Variants in TRAF3 observed in about 807,000 individuals in gnomAD.
TRAF3 encodes the protein TNF receptor associated factor 3.
Under a neutral mutation model 62.3 loss-of-function variants are expected in TRAF3, and 13 were observed. That is an observed-to-expected ratio of 0.21 (90% CI 0.14 to 0.33). TRAF3 has a LOEUF of 0.33. TRAF3 is among the 10% of genes least tolerant of loss of function. The pLI is 1.00. For synonymous variants in TRAF3, 269 were observed against 283.4 expected, an observed-to-expected ratio of 0.95 and a Z score of 0.51; for missense variants, 440 against 741.8, an observed-to-expected ratio of 0.59 and a Z score of 4.73.
chr14:102,869,511 C>T (rs1888202748), intron 2 of TRAF3, among the ~76,000 whole-genome samples: 2 of 152,176 alleles, frequency 1.3e-5, no homozygotes, highest in Admixed American at 6.5e-5. Context: ...GTATTATTAA[C>T]TTTAAAACAT....
At chr14:102,870,117 T>C in intron 2 of TRAF3, 68 bp from the exon 3 acceptor site, 1 of 1,610,648 alleles carries the variant, frequency 6.2e-7, no homozygotes, top group South Asian at 1.1e-5. Context: ...CACTTTTGCT[T>C]TCCCAAAGCT....
intron 2 of TRAF3, among the ~76,000 whole-genome samples, chr14:102,841,577 C>T (rs1329357049): frequency 6.6e-6 from 1 of 152,226 alleles, no homozygotes; most frequent in African/African-American, 2.4e-5. Flanking sequence ...GACCAATGGG[C>T]TGCTCCCGAC....
intron 7 of TRAF3, among the ~76,000 whole-genome samples, chr14:102,886,565 G>A (rs1459062733): frequency 2.6e-5 from 4 of 152,092 alleles, no homozygotes; most frequent in Admixed American, 2.6e-4. Flanking sequence ...GAACCAGACT[G>A]GCCAATGTGC....
At chr14:102,888,424 G>A (rs916817471) in intron 7 of TRAF3, among the ~76,000 whole-genome samples, 1 of 152,144 alleles carries the variant, frequency 6.6e-6, no homozygotes, top group African/African-American at 2.4e-5. Flanking sequence ...TTCCCGCAGT[G>A]TCCCTCCTCC....
intron 1 of TRAF3, among the ~76,000 whole-genome samples, chr14:102,800,297 C>T (rs1271512138): frequency 6.6e-6 from 1 of 152,206 alleles, no homozygotes; most frequent in Non-Finnish European, 1.5e-5. Flanking sequence ...GTTTCCCAGG[C>T]CCTGCCTCAG....
At chr14:102,859,257 C>T (rs1465595315) in intron 2 of TRAF3, among the ~76,000 whole-genome samples, 2 of 150,908 alleles carry the variant, frequency 1.3e-5, no homozygotes, top group African/African-American at 4.9e-5. Flanking sequence ...ATTTCACTTT[C>T]CCTACACACC....
chr14:102,828,643 G>T (rs765903256), intron 1 of TRAF3, among the ~76,000 whole-genome samples: 5 of 152,190 alleles, frequency 3.3e-5, no homozygotes, highest in Admixed American at 6.5e-5. Flanking sequence ...AAATGTTTAT[G>T]AATATCCCTA....
At chr14:102,820,598 ATATATATATATATATATTTTTTTTTTTT>A (rs1463802425) in intron 1 of TRAF3, among the ~76,000 whole-genome samples, 7 of 13,270 alleles carry the variant, frequency 5.3e-4, no homozygotes, top group African/African-American at 2.7e-3. Flanking sequence ...ATATATATAT[ATATATATATATATATATTTTTTTTTTTT>A]TTTTTTTTTT....
chr14:102,802,015 C>CA (rs1159987063), intron 1 of TRAF3, among the ~76,000 whole-genome samples: 21,858 of 108,936 alleles, frequency 0.2, 2,468 homozygotes, highest in East Asian at 0.38. Context: ...GACTCCATCT[C>CA]AAAAAAAAAA....
chr14:102,813,630 T>G (rs1489535939), intron 1 of TRAF3, among the ~76,000 whole-genome samples: 1 of 151,896 alleles, frequency 6.6e-6, no homozygotes, highest in Non-Finnish European at 1.5e-5. Flanking sequence ...TTTGTATTTT[T>G]AATAGAGATG....
intron 1 of TRAF3, among the ~76,000 whole-genome samples, chr14:102,797,739 C>T (rs1248564088): frequency 7.0e-6 from 1 of 142,278 alleles, no homozygotes; most frequent in East Asian, 2.0e-4. Context: ...CTTTTTCTTT[C>T]TTTTTTTTTT....
chr14:102,871,373 C>G (rs1398648232), intron 3 of TRAF3, among the ~76,000 whole-genome samples: 2 of 152,348 alleles, frequency 1.3e-5, no homozygotes, highest in East Asian at 1.9e-4. Context: ...TGTCTCCTAA[C>G]ACAAGAGCCT....
chr14:102,836,988 C>T (rs1026287231), intron 2 of TRAF3, among the ~76,000 whole-genome samples: 1 of 152,164 alleles, frequency 6.6e-6, no homozygotes, highest in Non-Finnish European at 1.5e-5. Flanking sequence ...TAGCGCAGCA[C>T]AGTCCTTCCA....
At chr14:102,861,353 G>A (rs538270228) in intron 2 of TRAF3, among the ~76,000 whole-genome samples, 32 of 152,270 alleles carry the variant, frequency 2.1e-4, no homozygotes, top group Non-Finnish European at 4.3e-4. Flanking sequence ...ACTGAGAGGG[G>A]CCTCCAACCC....
intron 1 of TRAF3, among the ~76,000 whole-genome samples, chr14:102,813,503 T>C (rs1460130078): frequency 6.6e-6 from 1 of 151,034 alleles, no homozygotes; most frequent in African/African-American, 2.4e-5. Flanking sequence ...CAGGCTGGAG[T>C]GCAGTGGTGT....
intron 2 of TRAF3, among the ~76,000 whole-genome samples, chr14:102,859,300 A>G (rs1887554578): frequency 6.6e-6 from 1 of 152,170 alleles, no homozygotes; most frequent in Admixed American, 6.5e-5. Context: ...AGTAGTCTCA[A>G]GTAGATGTTA....
chr14:102,843,860 TAAGG>T (rs1421593275), intron 2 of TRAF3, among the ~76,000 whole-genome samples: 4 of 151,508 alleles, frequency 2.6e-5, no homozygotes, highest in African/African-American at 9.7e-5. Context: ...GTGAAACTGA[TAAGG>T]AAGAAAAAAC....
At chr14:102,853,724 GGCAATTGGGAGGCTGAGGCA>G (rs1367523966) in intron 2 of TRAF3, among the ~76,000 whole-genome samples, 1 of 151,944 alleles carries the variant, frequency 6.6e-6, no homozygotes, top group East Asian at 1.9e-4. Flanking sequence ...TGTAACCTCA[GGCAATTGGGAGGCTGAGGCA>G]GCAGAATTGC....
intron 6 of TRAF3, 85 bp downstream of exon 6, chr14:102,876,610 C>G (rs1312733586): frequency 3.9e-6 from 6 of 1,535,358 alleles, no homozygotes; most frequent in East Asian, 4.8e-5. Context: ...CGTAGATAAT[C>G]CGTTCCACAG....
Sources: allele counts gnomAD v4.1 joint callset (sites outside exome capture counted in the v4.1 genomes callset), GRCh38; gene constraint gnomAD v4.1.1; transcripts MANE v1.5; gene names NCBI Gene and HGNC (gene_info 2026-07-23, HGNC 2026-07-21).